MYO5C: variants seen among roughly 807,000 people sequenced by gnomAD.
MYO5C encodes the protein myosin VC.
Under a neutral mutation model 235.7 loss-of-function variants are expected in MYO5C, and 194 were observed. The ratio of observed to expected loss-of-function variants is 0.82; its 90% confidence interval spans 0.73 to 0.93. The LOEUF (loss-of-function observed/expected upper bound fraction) is 0.93, where lower values mean the gene tolerates loss of function less well. Ranked by LOEUF, MYO5C falls within the 40% of genes least tolerant of loss-of-function variation. The pLI is 0.00. For missense variants in MYO5C, 2,038 were observed against 2,127.2 expected (o/e 0.96, Z 0.82); for synonymous variants, 707 against 754.8 (o/e 0.94, Z 1.04).
At chr15:52,238,094 A>G (rs1028127127) in intron 21 of MYO5C, among the ~76,000 whole-genome samples, 7 of 152,200 alleles carry the variant, frequency 4.6e-5, no homozygotes, top group African/African-American at 9.6e-5. Context: ...AGACACAGGC[A>G]TGGAGGGAAG....
chr15:52,280,553 C>T (rs1389238267), intron 2 of MYO5C, among the ~76,000 whole-genome samples: 2 of 152,196 alleles, frequency 1.3e-5, no homozygotes, highest in Admixed American at 6.5e-5. Context: ...GCAGGTTACC[C>T]AGCATGCTTG....
At chr15:52,237,287 A>G in intron 22 of MYO5C, 195 bp downstream of exon 22, 1 of 592,254 alleles carries the variant, frequency 1.7e-6, no homozygotes, top group Non-Finnish European at 2.8e-6. Context: ...CTCATTATTA[A>G]CCTCCTCCCT....
intron 2 of MYO5C, among the ~76,000 whole-genome samples, chr15:52,281,753 C>T (rs1305497929): frequency 1.3e-5 from 2 of 152,234 alleles, no homozygotes; most frequent in Non-Finnish European, 2.9e-5. Context: ...TGTCTTTAAC[C>T]GCTGTGTTCA....
intron 1 of MYO5C, among the ~76,000 whole-genome samples, chr15:52,286,368 C>T (rs1186679267): frequency 5.9e-5 from 9 of 151,326 alleles, no homozygotes; most frequent in East Asian, 2.0e-4. Context: ...AGGTGAGGGG[C>T]GCCTCTGCCC....
At chr15:52,255,554 G>A (rs1338828539) in intron 11 of MYO5C, among the ~76,000 whole-genome samples, 1 of 152,198 alleles carries the variant, frequency 6.6e-6, no homozygotes, top group Non-Finnish European at 1.5e-5. Context: ...AAAAAAATAT[G>A]AGAGTAGTTT....
chr15:52,229,121 G>C lies in MYO5C; in HGVS notation c.3207+12C>G. The stretch of plus-strand genomic sequence containing the variant: ...AACCAGAGGGCGGGGCTGAACGTGA[G>C]AGCCGCTCTACCTTGACCTGCTTGC... On this transcript the variant is annotated intron_variant, in intron 25 of 40. Transcript: ENST00000261839. 1 of 1,613,676 alleles carries C rather than the reference G, an allele frequency of 6.2e-7. No individual in the cohort carries two copies. The highest frequency in any genetic ancestry group is 8.5e-7 in the Non-Finnish European group (1 of 1,179,774).
intron 29 of MYO5C, among the ~76,000 whole-genome samples, chr15:52,223,050 G>A (rs993545978): frequency 7.9e-5 from 12 of 151,972 alleles, no homozygotes; most frequent in African/African-American, 1.5e-4. Context: ...TCGGGAGGCT[G>A]AGGCAGGAGA....
intron 10 of MYO5C, among the ~76,000 whole-genome samples, chr15:52,257,714 C>A (rs940014889): frequency 2.6e-5 from 4 of 152,196 alleles, no homozygotes; most frequent in Non-Finnish European, 2.9e-5. Context: ...GAAGGAGTGA[C>A]CATGGTGAGG....
Position 52,244,526 on chromosome 15 carries a change from G to A in MYO5C, c.2220C>T (p.Phe740=). The A allele has an allele frequency of 1.2e-6, 2 of 1,613,948 alleles. No homozygotes were observed. The highest frequency in any genetic ancestry group is 1.7e-6 in the Non-Finnish European group (2 of 1,179,984). The change falls in exon 19 of 41, where the codon TTC becomes TTT. Residue 740 remains phenylalanine, a synonymous_variant. Coordinates refer to ENST00000261839, the MANE Select transcript of MYO5C (RefSeq NM_018728.4). The part of the protein sequence containing the change: ...QYQFGKTKIF[F]RAGQVAYLEK... ...CTAAATAAGCCACTTGTCCTGCTCT[G>A]AAGAAAATTTTGGTTTTACCAAACT...
Position 52,271,803 on chromosome 15 carries a change from A to G in MYO5C, c.792T>C (p.Cys264=), listed in dbSNP as rs138751193. The G allele has an allele frequency of 1.3e-6, 2 of 1,586,682 alleles. No homozygotes were observed. The highest frequency in any genetic ancestry group is 1.3e-5 in the African/African-American group (1 of 74,708). Residue 264 remains cysteine, a synonymous_variant, in exon 7 of 41, where the codon TGT becomes TGC. Coordinates refer to ENST00000261839, the MANE Select transcript of MYO5C (RefSeq NM_018728.4). ...ERNYHIFYQL[C]ASAQQSEFKH... ...TAAATTCCGACTGCTGTGCAGATGC[A>G]CAAAGCTGATAGAAAATGTGGTAAT...
intron 11 of MYO5C, among the ~76,000 whole-genome samples, chr15:52,255,693 A>G (rs1318893685): frequency 6.6e-6 from 1 of 152,216 alleles, no homozygotes; most frequent in African/African-American, 2.4e-5. Flanking sequence ...CATCTAGGGA[A>G]CTGATTTAAG....
At chr15:52,197,362 G>GT (rs1165357066) in intron 38 of MYO5C, among the ~76,000 whole-genome samples, 2 of 152,148 alleles carry the variant, frequency 1.3e-5, no homozygotes, top group Non-Finnish European at 2.9e-5. Flanking sequence ...CAAACATTAC[G>GT]TAAGTGAAAG....
At chr15:52,211,180 C>T (rs957925589) in intron 35 of MYO5C, among the ~76,000 whole-genome samples, 46 of 152,182 alleles carry the variant, frequency 3.0e-4, no homozygotes, top group African/African-American at 9.7e-4. Context: ...ATTATGGAAC[C>T]GCTATCAGCA....
At chr15:52,259,216 C>T (rs1328238023) in intron 10 of MYO5C, among the ~76,000 whole-genome samples, 3 of 152,126 alleles carry the variant, frequency 2.0e-5, no homozygotes, top group South Asian at 2.1e-4. Context: ...GTCAGGAGAT[C>T]GAGACCATCC....
At chr15:52,202,290 T>C (rs1432558362) in intron 38 of MYO5C, among the ~76,000 whole-genome samples, 2 of 152,104 alleles carry the variant, frequency 1.3e-5, no homozygotes, top group Admixed American at 6.5e-5. Flanking sequence ...GGCAGAAGAA[T>C]TGTTTGAACC....
chr15:52,276,499 G>A (rs2037054957), intron 4 of MYO5C, among the ~76,000 whole-genome samples: 1 of 152,160 alleles, frequency 6.6e-6, no homozygotes, highest in African/African-American at 2.4e-5. Flanking sequence ...ACTCCCAGAA[G>A]GAAAGCACGT....
At chr15:52,198,334 A>G (rs1473540828) in intron 38 of MYO5C, among the ~76,000 whole-genome samples, 2 of 152,226 alleles carry the variant, frequency 1.3e-5, no homozygotes, top group Non-Finnish European at 2.9e-5. Flanking sequence ...AGACTTTCTC[A>G]AAATAAAGAA....
intron 20 of MYO5C, 115 bp downstream of exon 20, chr15:52,241,933 G>T: frequency 8.4e-7 from 1 of 1,195,460 alleles, no homozygotes; most frequent in Non-Finnish European, 1.2e-6. Context: ...TGGCTTGGCT[G>T]ACACTTTGTA....
At chr15:52,235,542 G>A in intron 23 of MYO5C, 128 bp downstream of exon 23, 6 of 618,262 alleles carry the variant, frequency 9.7e-6, no homozygotes, top group Non-Finnish European at 1.7e-5. Flanking sequence ...TATTCCTTGT[G>A]AGCAAAAATT....
Sources: allele counts gnomAD v4.1 joint callset (sites outside exome capture counted in the v4.1 genomes callset), GRCh38; gene constraint gnomAD v4.1.1; transcripts MANE v1.5; gene names NCBI Gene and HGNC (gene_info 2026-07-23, HGNC 2026-07-21).